The following WWOX variants were observed in gnomAD, a reference collection of about 807,000 sequenced individuals.
WWOX encodes the protein WW domain-containing oxidoreductase.
Under a neutral mutation model 46.2 loss-of-function variants are expected in WWOX, and 69 were observed. The ratio of observed to expected loss-of-function variants is 1.49; its 90% confidence interval spans 1.23 to 1.82. The LOEUF (loss-of-function observed/expected upper bound fraction) is 1.82, where lower values mean the gene tolerates loss of function less well. Among genes scored for constraint, WWOX ranks in the 40% most tolerant of loss-of-function variants. WWOX has a pLI of 0.00. For missense variants in WWOX, 919 were observed against 542.6 expected (o/e 1.69, Z -6.89); for synonymous variants, 359 against 202.6 (o/e 1.77, Z -6.56).
intron 8 of WWOX, among the ~76,000 whole-genome samples, chr16:79,071,453 T>A (rs1163113602): frequency 1.3e-5 from 2 of 152,220 alleles, no homozygotes; most frequent in African/African-American, 4.8e-5. Flanking sequence ...CCAAGAGAGT[T>A]CACCAATTAC....
chr16:78,287,178 C>T (rs2079782841), intron 5 of WWOX, among the ~76,000 whole-genome samples: 1 of 152,232 alleles, frequency 6.6e-6, no homozygotes, highest in African/African-American at 2.4e-5. Context: ...AAATAAAATA[C>T]ATTTCTCCAC....
chr16:78,433,920 G>T (rs1174729849), intron 8 of WWOX, among the ~76,000 whole-genome samples: 3 of 150,392 alleles, frequency 2.0e-5, no homozygotes, highest in Non-Finnish European at 4.4e-5. Context: ...CTCCCAAGTA[G>T]CTGGGACTAC....
intron 8 of WWOX, among the ~76,000 whole-genome samples, chr16:78,994,109 A>G (rs561988912): frequency 2.5e-4 from 38 of 152,302 alleles, no homozygotes; most frequent in African/African-American, 8.7e-4. Flanking sequence ...AAGAAACGTT[A>G]CCTGTCAACA....
At chr16:78,183,862 G>A (rs1225834109) in intron 5 of WWOX, among the ~76,000 whole-genome samples, 1 of 152,176 alleles carries the variant, frequency 6.6e-6, no homozygotes, top group African/African-American at 2.4e-5. Context: ...CTGCAGTGTT[G>A]GATTTTGTAG....
At chr16:78,489,528 T>C (rs2084726452) in intron 8 of WWOX, among the ~76,000 whole-genome samples, 1 of 152,188 alleles carries the variant, frequency 6.6e-6, no homozygotes, top group South Asian at 2.1e-4. Flanking sequence ...ATTCTCCCCT[T>C]AGCAGCTTTC....
intron 8 of WWOX, among the ~76,000 whole-genome samples, chr16:78,664,965 G>C (rs2047297543): frequency 6.6e-6 from 1 of 152,190 alleles, no homozygotes; most frequent in Non-Finnish European, 1.5e-5. Context: ...TCAATACAAT[G>C]AACTTGGGAA....
chr16:78,428,748 C>G (rs1189956888), intron 7 of WWOX, among the ~76,000 whole-genome samples: 2 of 152,140 alleles, frequency 1.3e-5, no homozygotes, highest in East Asian at 3.9e-4. Context: ...TAGTGTATAC[C>G]TGTAATACCA....
At chr16:78,669,810 A>C (rs1445303634) in intron 8 of WWOX, among the ~76,000 whole-genome samples, 1 of 152,228 alleles carries the variant, frequency 6.6e-6, no homozygotes. Flanking sequence ...AGTGACTCAG[A>C]AGACTTCATT....
At chr16:79,071,960 G>C (rs1057047267) in intron 8 of WWOX, among the ~76,000 whole-genome samples, 7 of 152,064 alleles carry the variant, frequency 4.6e-5, no homozygotes, top group African/African-American at 1.7e-4. Flanking sequence ...TCATTCATTC[G>C]TTTACTCGTT....
chr16:78,870,822 G>C (rs1388619590), intron 8 of WWOX, among the ~76,000 whole-genome samples: 4 of 152,092 alleles, frequency 2.6e-5, no homozygotes, highest in Admixed American at 1.3e-4. Flanking sequence ...GGGTTGTCTC[G>C]AACTCCTGAG....
At chr16:78,937,867 A>G (rs751034816) in intron 8 of WWOX, among the ~76,000 whole-genome samples, 15 of 152,242 alleles carry the variant, frequency 9.9e-5, no homozygotes, top group South Asian at 6.2e-4. Flanking sequence ...AGGTCAAGCA[A>G]TCTACCTGCT....
intron 8 of WWOX, among the ~76,000 whole-genome samples, chr16:78,715,706 A>T (rs2048545294): frequency 6.6e-6 from 1 of 152,118 alleles, no homozygotes; most frequent in Non-Finnish European, 1.5e-5. Context: ...CGAACTCCTG[A>T]CTTCAGGTGG....
chr16:78,857,420 G>C (rs1007557710), intron 8 of WWOX, among the ~76,000 whole-genome samples: 10 of 152,162 alleles, frequency 6.6e-5, no homozygotes, highest in Non-Finnish European at 1.3e-4. Context: ...CCTGAATCTG[G>C]TCTGGAATAG....
intron 8 of WWOX, among the ~76,000 whole-genome samples, chr16:78,997,884 C>G (rs1434878463): frequency 6.7e-6 from 1 of 148,842 alleles, no homozygotes; most frequent in Non-Finnish European, 1.5e-5. Flanking sequence ...AACATTCTTT[C>G]TTTTTTTTTT....
chr16:79,154,720 A>G (rs1463130345), intron 8 of WWOX, among the ~76,000 whole-genome samples: 1 of 152,200 alleles, frequency 6.6e-6, no homozygotes, highest in Non-Finnish European at 1.5e-5. Context: ...GTGTATGTGG[A>G]TGGAGCCAGT....
intron 8 of WWOX, among the ~76,000 whole-genome samples, chr16:78,852,494 C>T (rs572131722): frequency 6.2e-4 from 94 of 152,244 alleles, no homozygotes; most frequent in South Asian, 3.1e-3. Context: ...CCAACATGAG[C>T]GAGCCTTGTT....
chr16:78,621,551 T>G (rs184828184), intron 8 of WWOX, among the ~76,000 whole-genome samples: 11 of 150,942 alleles, frequency 7.3e-5, no homozygotes, highest in Admixed American at 5.9e-4. Flanking sequence ...GCCAGTATAT[T>G]CAATGATTCA....
intron 8 of WWOX, among the ~76,000 whole-genome samples, chr16:78,888,569 A>T (rs917946598): frequency 3.9e-5 from 6 of 152,096 alleles, no homozygotes; most frequent in Non-Finnish European, 7.4e-5. Context: ...TTTGTTTGTT[A>T]GTTTTGAGGA....
intron 8 of WWOX, among the ~76,000 whole-genome samples, chr16:78,698,080 T>C (rs961130877): frequency 6.6e-6 from 1 of 152,226 alleles, no homozygotes; most frequent in African/African-American, 2.4e-5. Context: ...AGTGGTATTA[T>C]TGTTGTCATC....
Sources: gnomAD v4.1 joint callset for allele counts (sites outside exome capture counted in the v4.1 genomes callset) on GRCh38, gnomAD v4.1.1 for gene constraint, MANE v1.5 for transcripts, NCBI Gene and HGNC (gene_info 2026-07-23, HGNC 2026-07-21) for gene names.